RUSC2: variants seen among roughly 807,000 people sequenced by gnomAD.
RUSC2 encodes the protein RUN and SH3 domain containing 2.
Under a neutral mutation model 122.2 loss-of-function variants are expected in RUSC2, and 34 were observed. The observed-to-expected ratio is 0.28, with a 90% CI of 0.21 to 0.37. The LOEUF is 0.37. Among genes scored for constraint, RUSC2 ranks in the 10% least tolerant of loss-of-function variants. RUSC2 has a pLI of 1.00. For synonymous variants in RUSC2, 784 were observed against 790.0 expected (o/e 0.99, Z 0.13); for missense variants, 1,747 against 1,952.4 (o/e 0.89, Z 1.98).
At chr9:35,510,603 A>C (rs1236277737) in intron 1 of RUSC2, among the ~76,000 whole-genome samples, 1 of 152,186 alleles carries the variant, frequency 6.6e-6, no homozygotes, top group African/African-American at 2.4e-5. Context: ...TCTTTCACAC[A>C]CTACAGTGTC....
intron 1 of RUSC2, among the ~76,000 whole-genome samples, chr9:35,501,302 T>G (rs1161156108): frequency 6.6e-6 from 1 of 152,116 alleles, no homozygotes; most frequent in Non-Finnish European, 1.5e-5. Context: ...ACAGGCCGGG[T>G]GCAGTGGCTC....
chr9:35,529,601 C>T (rs1483645901), intron 1 of RUSC2, among the ~76,000 whole-genome samples: 3 of 150,724 alleles, frequency 2.0e-5, no homozygotes, highest in African/African-American at 7.3e-5. Flanking sequence ...GTGCAAGCCA[C>T]GTAAACCTAT....
rs371988628 is a variant in RUSC2 at position 35,547,601 on chromosome 9, T to A, written c.1080T>A (p.Asp360Glu). ...CTCATGCCTCTTCTCCTGAGCTTGA[T>A]GCCAACTGCAACTCCTACCGCCCAC... Reference protein sequence around the residue: ...GCPHASSPELDANCNSYRPHC... With the variant: ...GCPHASSPELEANCNSYRPHC... Residue 360 changes from aspartate (D) to glutamate (E), a missense_variant, in exon 2 of 12, where the codon GAT (aspartate) becomes GAA (glutamate). Physicochemically the swap from Asp to Glu is conservative, Grantham distance 45 (BLOSUM62 2). Transcript: ENST00000361226. The surrounding 1 kb of genome is among the most constrained non-coding windows in gnomAD (Gnocchi z 4.6). 1 of 1,614,194 alleles carries A rather than the reference T, an allele frequency of 6.2e-7. No homozygotes were observed. The highest frequency in any genetic ancestry group is 8.5e-7 in the Non-Finnish European group (1 of 1,180,024).
Position 35,547,321 on chromosome 9 carries a change from G to A in RUSC2, c.800G>A (p.Gly267Asp), listed in dbSNP as rs1471322052. ...SQSEAADQSM[G>D]YVSDSSCNSS... ...TCCGAGGCAGCTGACCAGTCCATGG[G>A]CTATGTGAGCGACTCCTCCTGCAAC... Residue 267 changes from glycine to aspartate, a missense_variant, in exon 2 of 12, where the codon GGC (glycine) becomes GAC (aspartate). Physicochemically the swap from Gly to Asp is moderately conservative, Grantham distance 94 (BLOSUM62 -1). Transcript: ENST00000361226. The surrounding 1 kb of genome is among the most constrained non-coding windows in gnomAD (Gnocchi z 4.6). 1 of 1,614,156 alleles carries A rather than the reference G, an allele frequency of 6.2e-7. No individual in the cohort carries two copies. Among genetic ancestry groups the A allele is most frequent in the Non-Finnish European group, 8.5e-7 (1 of 1,180,034 alleles).
At chr9:35,554,144 T>TA (rs1280333108) in intron 2 of RUSC2, among the ~76,000 whole-genome samples, 1 of 152,090 alleles carries the variant, frequency 6.6e-6, no homozygotes, top group African/African-American at 2.4e-5. Context: ...AGCGCCATCT[T>TA]ACGTTTATTC....
At chr9:35,513,838 C>A (rs1034154881) in intron 1 of RUSC2, among the ~76,000 whole-genome samples, 8 of 140,166 alleles carry the variant, frequency 5.7e-5, no homozygotes, top group Non-Finnish European at 1.2e-4. Flanking sequence ...ATAGCAAGAC[C>A]CTGTCTCTAT....
chr9:35,505,562 A>G (rs1257634214), intron 1 of RUSC2, among the ~76,000 whole-genome samples: 1 of 152,192 alleles, frequency 6.6e-6, no homozygotes. Context: ...CATGAGGACA[A>G]GAATAGAGTC....
chr9:35,542,781 T>A (rs1170317734), intron 1 of RUSC2, among the ~76,000 whole-genome samples: 1 of 152,198 alleles, frequency 6.6e-6, no homozygotes, highest in African/African-American at 2.4e-5. Context: ...GGCTCCGTCA[T>A]CTCCCACGCT....
chr9:35,544,498 G>A (rs977244079), intron 1 of RUSC2, among the ~76,000 whole-genome samples: 2 of 151,854 alleles, frequency 1.3e-5, no homozygotes, highest in African/African-American at 4.8e-5. Context: ...AGTAGAGATG[G>A]GATTTCACCA....
At chr9:35,553,254 T>C (rs746693165) in intron 2 of RUSC2, among the ~76,000 whole-genome samples, 7 of 152,192 alleles carry the variant, frequency 4.6e-5, no homozygotes, top group Non-Finnish European at 8.8e-5. Context: ...AAAATTTGTA[T>C]CTCAGAAGCT....
chr9:35,513,013 G>T (rs1821036494), intron 1 of RUSC2, among the ~76,000 whole-genome samples: 1 of 152,188 alleles, frequency 6.6e-6, no homozygotes, highest in South Asian at 2.1e-4. Context: ...TGCACATGCA[G>T]TTATAATGTC....
chr9:35,560,255 G>T lies in RUSC2; in HGVS notation c.3615G>T (p.Thr1205=). 1 of 1,593,358 alleles carries T rather than the reference G, an allele frequency of 6.3e-7. No homozygotes were observed. The highest frequency in any genetic ancestry group is 8.5e-7 in the Non-Finnish European group (1 of 1,170,452). The part of the protein sequence containing the change: ...SQDLLLSAHS[T]LQLARARGQE... ...ACCTGCTGCTGTCTGCCCACTCCAC[G>T]CTGCAGCTGGCCCGGGCCCGGGGCC... Residue 1205 remains threonine (T), a synonymous_variant, in exon 10 of 12, where the codon ACG becomes ACT. Transcript: ENST00000361226.
chr9:35,495,449 T>G (rs1421489357), intron 1 of RUSC2, among the ~76,000 whole-genome samples: 1 of 151,210 alleles, frequency 6.6e-6, no homozygotes, highest in East Asian at 1.9e-4. Context: ...TGAATGGTAT[T>G]CACACCCTTG....
chr9:35,553,403 C>T (rs1332534560), intron 2 of RUSC2, among the ~76,000 whole-genome samples: 2 of 152,154 alleles, frequency 1.3e-5, no homozygotes, highest in East Asian at 1.9e-4. Flanking sequence ...ATGGATCCAG[C>T]AGTGAACAAT....
intron 2 of RUSC2, 85 bp from the exon 3 acceptor site, chr9:35,554,975 C>T (rs2131693961): frequency 2.0e-6 from 3 of 1,518,840 alleles, no homozygotes; most frequent in Non-Finnish European, 2.7e-6. Flanking sequence ...TGCCCCTCTC[C>T]CCTCTCCCAT....
chr9:35,536,313 G>A (rs1180089574), intron 1 of RUSC2, among the ~76,000 whole-genome samples: 1 of 152,224 alleles, frequency 6.6e-6, no homozygotes, highest in Non-Finnish European at 1.5e-5. Context: ...CACTGGTTCG[G>A]AGAACAGATT....
chr9:35,534,361 G>A (rs548076958), intron 1 of RUSC2, among the ~76,000 whole-genome samples: 2 of 151,600 alleles, frequency 1.3e-5, no homozygotes, highest in African/African-American at 4.8e-5. Flanking sequence ...GATCACTTGA[G>A]CTCAGGAGTT....
At chr9:35,496,859 C>A (rs1035577772) in intron 1 of RUSC2, among the ~76,000 whole-genome samples, 7 of 152,176 alleles carry the variant, frequency 4.6e-5, no homozygotes, top group African/African-American at 1.7e-4. Context: ...ACTCACTTGA[C>A]AGCTGTACAA....
chr9:35,499,158 G>A lies in RUSC2; in HGVS notation c.-93+8986G>A, dbSNP rs112837673. Among the ~76,000 whole-genome samples the A allele has an allele frequency of 5.8e-3, 885 of 151,982 alleles. 15 individuals carry two copies. Among genetic ancestry groups the A allele is most frequent in the African/African-American group, 0.021 (850 of 41,442 alleles). ...AAAAATTAGCCAAGCGTGGTGGCAT[G>A]CACATGTAATCCCAGCTACTTGGGA... On this transcript the variant is annotated intron_variant, in intron 1 of 11. Coordinates refer to ENST00000361226, the MANE Select transcript of RUSC2 (RefSeq NM_014806.5).
Sources: gnomAD v4.1 joint callset for allele counts (sites outside exome capture counted in the v4.1 genomes callset) on GRCh38, gnomAD v4.1.1 for gene constraint, Gnocchi (gnomAD v3.1) non-coding constraint, MANE v1.5 for transcripts, NCBI Gene and HGNC (gene_info 2026-07-23, HGNC 2026-07-21) for gene names.